DLGAP2: variants seen among roughly 807,000 people sequenced by gnomAD.
DLGAP2 encodes the protein DLG associated protein 2.
In DLGAP2, 26 loss-of-function variants were observed where a neutral mutation model predicts 100.3. That is an observed-to-expected ratio of 0.26 (90% CI 0.19 to 0.36). The LOEUF is 0.36. Among genes scored for constraint, DLGAP2 ranks in the 10% least tolerant of loss-of-function variants. The pLI is 1.00. For missense variants in DLGAP2, 1,858 were observed against 1,453.2 expected (o/e 1.28, Z -4.53); for synonymous variants, 886 against 630.1 (o/e 1.41, Z -6.08).
chr8:1,446,351 C>G (rs996792286), intron 3 of DLGAP2, among the ~76,000 whole-genome samples: 9 of 152,120 alleles, frequency 5.9e-5, no homozygotes, highest in African/African-American at 2.2e-4. Context: ...AATAGGGAAT[C>G]CTTTCCCCAT....
At chr8:1,656,830 G>C (rs1246261044) in intron 8 of DLGAP2, among the ~76,000 whole-genome samples, 1 of 152,140 alleles carries the variant, frequency 6.6e-6, no homozygotes, top group Non-Finnish European at 1.5e-5. Flanking sequence ...TACTCAAGAG[G>C]CAAAGCATGT....
At chr8:1,529,613 A>C (rs1292212337) in intron 4 of DLGAP2, among the ~76,000 whole-genome samples, 2 of 152,272 alleles carry the variant, frequency 1.3e-5, no homozygotes, top group Non-Finnish European at 2.9e-5. Flanking sequence ...CGAGTTGCCA[A>C]AAATTCCAGA....
chr8:1,232,484 C>T (rs1032724185), intron 2 of DLGAP2, among the ~76,000 whole-genome samples: 1 of 152,230 alleles, frequency 6.6e-6, no homozygotes, highest in Non-Finnish European at 1.5e-5. Flanking sequence ...ATGCCTCCTC[C>T]GTCTCGAACC....
chr8:1,019,049 A>G (rs1325814106), intron 2 of DLGAP2: 2 of 152,216 alleles, frequency 1.3e-5, no homozygotes, highest in African/African-American at 4.8e-5. Flanking sequence ...GGTCAGTCCC[A>G]TTAAAAATGC....
chr8:1,195,501 G>A (rs376595802), intron 2 of DLGAP2, among the ~76,000 whole-genome samples: 1 of 152,208 alleles, frequency 6.6e-6, no homozygotes, highest in East Asian at 1.9e-4. Context: ...GAAAACAATT[G>A]TTTCCCCACT....
rs571756144 is a variant in DLGAP2 at position 1,200,406 on chromosome 8, C to G, written c.74-58445C>G. 2.0e-5 allele frequency among the ~76,000 whole-genome samples: 3 copies of G among 152,348 alleles called. No individual in the cohort carries two copies. In the South Asian group the frequency reaches 6.2e-4, roughly 32 times the overall value. ...TCCGATGTATTTCCTCAAGGACAGTCACTAGCAGTTGTTCTGAAATGATTC... is the reference window on the plus strand; with the variant it reads ...TCCGATGTATTTCCTCAAGGACAGTGACTAGCAGTTGTTCTGAAATGATTC... On this transcript the variant is annotated intron_variant, in intron 2 of 14. Coordinates refer to ENST00000637795, the MANE Select transcript of DLGAP2 (RefSeq NM_001346810.2).
At chr8:1,099,284 A>G (rs1366366354) in intron 2 of DLGAP2, among the ~76,000 whole-genome samples, 2 of 152,128 alleles carry the variant, frequency 1.3e-5, no homozygotes, top group Non-Finnish European at 1.5e-5. Context: ...GTTTCTTCAC[A>G]TTCACAACAA....
intron 3 of DLGAP2, among the ~76,000 whole-genome samples, chr8:1,303,435 G>C (rs997859638): frequency 6.7e-6 from 1 of 150,000 alleles, no homozygotes; most frequent in Admixed American, 6.6e-5. Context: ...AAAGGAAGGA[G>C]AAGAGGAGTG....
At chr8:1,601,249 C>A (rs563760893) in intron 6 of DLGAP2, among the ~76,000 whole-genome samples, 33 of 152,194 alleles carry the variant, frequency 2.2e-4, no homozygotes, top group Non-Finnish European at 4.1e-4. Context: ...CTGGAAGCTT[C>A]GTCCCAGAGG....
intron 2 of DLGAP2, among the ~76,000 whole-genome samples, chr8:1,033,814 G>A (rs1344491442): frequency 1.4e-5 from 2 of 146,930 alleles, no homozygotes; most frequent in East Asian, 4.2e-4. Context: ...GTGTCACCGC[G>A]AGTGGATTCA....
At chr8:1,583,866 C>T (rs1584954720) in intron 6 of DLGAP2, among the ~76,000 whole-genome samples, 1 of 152,074 alleles carries the variant, frequency 6.6e-6, no homozygotes, top group African/African-American at 2.4e-5. Flanking sequence ...CCCGGAAAGC[C>T]TTGTTCCCCT....
intron 1 of DLGAP2, among the ~76,000 whole-genome samples, chr8:751,723 A>G (rs1370870371): frequency 1.3e-5 from 2 of 152,050 alleles, no homozygotes; most frequent in South Asian, 2.1e-4. Flanking sequence ...CTGACACTTC[A>G]TAGTAAGTCC....
intron 3 of DLGAP2, among the ~76,000 whole-genome samples, chr8:1,303,409 A>G (rs1327702258): frequency 2.0e-5 from 3 of 149,888 alleles, no homozygotes; most frequent in Non-Finnish European, 3.0e-5. Flanking sequence ...AAACAAAAAA[A>G]AAAAAAAAAA....
In DLGAP2 at chr8:1,268,711, A is replaced by T. The variant is rs142481533; in HGVS notation, c.106+9828A>T. Reference sequence around the variant, plus strand: ...CCTGAGAGTTACATGTCTCTGCAGAAGCCACATTATCTCAACTTACTACTT... The same window carrying T: ...CCTGAGAGTTACATGTCTCTGCAGATGCCACATTATCTCAACTTACTACTT... On this transcript the variant is annotated intron_variant, in intron 3 of 14. Coordinates refer to ENST00000637795, the MANE Select transcript of DLGAP2 (RefSeq NM_001346810.2). Among the ~76,000 whole-genome samples, 440 of 152,370 alleles carry T rather than the reference A, an allele frequency of 2.9e-3. 4 individuals are homozygous for T. Among genetic ancestry groups the T allele is most frequent in the African/African-American group, 0.01 (420 of 41,584 alleles).
At chr8:829,510 T>A (rs1485417518) in intron 1 of DLGAP2, among the ~76,000 whole-genome samples, 1 of 152,226 alleles carries the variant, frequency 6.6e-6, no homozygotes, top group East Asian at 1.9e-4. Flanking sequence ...GGAAATAAGT[T>A]TATTATTTAA....
intron 6 of DLGAP2, among the ~76,000 whole-genome samples, chr8:1,615,572 CA>C (rs1264878306): frequency 1.3e-5 from 2 of 150,434 alleles, no homozygotes; most frequent in Non-Finnish European, 2.9e-5. Flanking sequence ...ATCTTTAAAG[CA>C]GCCATTGTAA....
intron 6 of DLGAP2, among the ~76,000 whole-genome samples, chr8:1,601,706 A>G (rs1282177525): frequency 6.6e-6 from 1 of 152,170 alleles, no homozygotes; most frequent in Non-Finnish European, 1.5e-5. Flanking sequence ...TATGAGACCA[A>G]GCCTGGTCTG....
intron 2 of DLGAP2, among the ~76,000 whole-genome samples, chr8:1,059,549 C>T (rs986264681): frequency 1.1e-4 from 16 of 152,166 alleles, no homozygotes; most frequent in Admixed American, 7.9e-4. Context: ...GTGCCCATTG[C>T]CTCCCCTCCA....
At chr8:1,524,605 C>T (rs892207498) in intron 4 of DLGAP2, among the ~76,000 whole-genome samples, 2 of 152,128 alleles carry the variant, frequency 1.3e-5, no homozygotes, top group African/African-American at 2.4e-5. Context: ...AGCGTCATCC[C>T]TCCGTGCGTT....
Sources: allele counts gnomAD v4.1 joint callset (sites outside exome capture counted in the v4.1 genomes callset), GRCh38; gene constraint gnomAD v4.1.1; transcripts MANE v1.5; gene names NCBI Gene and HGNC (gene_info 2026-07-23, HGNC 2026-07-21).